Variants in CAMTA1 observed in about 807,000 individuals in gnomAD.
CAMTA1 encodes the protein calmodulin binding transcription activator 1, also known as calmodulin-binding transcription activator 1.
In CAMTA1, 27 loss-of-function variants were observed where a neutral mutation model predicts 170.9. That is an observed-to-expected ratio of 0.16 (90% CI 0.12 to 0.22). The LOEUF (loss-of-function observed/expected upper bound fraction) is 0.22, where lower values mean the gene tolerates loss of function less well. Among genes scored for constraint, CAMTA1 ranks in the 10% least tolerant of loss-of-function variants. The pLI is 1.00. For missense variants in CAMTA1, 1,619 were observed against 2,217.2 expected (o/e 0.73, Z 5.42); for synonymous variants, 833 against 891.5 (o/e 0.93, Z 1.17).
chr1:7,271,001 G>A (rs778156075), intron 5 of CAMTA1, among the ~76,000 whole-genome samples: 2 of 152,206 alleles, frequency 1.3e-5, no homozygotes, highest in African/African-American at 2.4e-5. Flanking sequence ...AAAAGAAAAT[G>A]AAACCCAAAA....
At position 7,677,735 on chromosome 1, in the gene CAMTA1, T is replaced by C; in HGVS notation, c.2914+2T>C. The C allele has an allele frequency of 6.2e-7, 1 of 1,613,420 alleles. No individual in the cohort carries two copies. The highest frequency in any genetic ancestry group is 8.5e-7 in the Non-Finnish European group (1 of 1,179,754). On this transcript the variant is annotated splice_donor_variant, in intron 11 of 22. Coordinates refer to ENST00000303635, the MANE Select transcript of CAMTA1 (RefSeq NM_015215.4). LOFTEE classifies it high-confidence loss of function. Reference sequence around the variant, plus strand: ...AGCACGACTGGCTGTCGTTGGACGGTAAGAACAGTGCTTGGGTCGTCTTGC... The same window carrying C: ...AGCACGACTGGCTGTCGTTGGACGGCAAGAACAGTGCTTGGGTCGTCTTGC...
At chr1:6,994,478 C>T (rs1205085989) in intron 3 of CAMTA1, among the ~76,000 whole-genome samples, 1 of 152,164 alleles carries the variant, frequency 6.6e-6, no homozygotes, top group East Asian at 1.9e-4. Flanking sequence ...TCTCTCAGCA[C>T]ATTAAAGGTG....
intron 6 of CAMTA1, among the ~76,000 whole-genome samples, chr1:7,622,903 C>T (rs750074426): frequency 6.6e-5 from 10 of 152,232 alleles, no homozygotes; most frequent in Non-Finnish European, 1.2e-4. Flanking sequence ...TCTTGTTTCA[C>T]GGCTGTTTTC....
chr1:7,118,990 G>A (rs1173372906), intron 4 of CAMTA1, among the ~76,000 whole-genome samples: 8 of 152,210 alleles, frequency 5.3e-5, no homozygotes, highest in Admixed American at 5.2e-4. Context: ...CTTTGTGTGG[G>A]ATGAGAAATA....
intron 3 of CAMTA1, among the ~76,000 whole-genome samples, chr1:6,950,820 T>C (rs1008873296): frequency 6.7e-6 from 1 of 149,550 alleles, no homozygotes; most frequent in South Asian, 2.1e-4. Flanking sequence ...CAACTACCAC[T>C]GGGGAGAAGT....
chr1:7,577,277 C>T (rs1285461232), intron 6 of CAMTA1, among the ~76,000 whole-genome samples: 3 of 152,070 alleles, frequency 2.0e-5, no homozygotes, highest in South Asian at 2.1e-4. Context: ...GTGTGTAGAA[C>T]GAGGTGTGCC....
rs544689327 is a variant in CAMTA1, at chr1:7,298,489, A to G, written c.438+48863A>G. On this transcript the variant is annotated intron_variant, in intron 5 of 22. Transcript: ENST00000303635. ...GACCCTTAATACTGCCTGACCTGCC[A>G]CATGCAGCCCTCTCTTCTGGGACTG... is the stretch of plus-strand genomic sequence containing the variant. Among the ~76,000 whole-genome samples, 56 of 152,236 alleles carry G rather than the reference A, an allele frequency of 3.7e-4. 1 individual carries two copies. In the South Asian group the frequency reaches 0.011, roughly 30 times the overall value.
At chr1:7,690,471 C>A (rs1468644017) in intron 11 of CAMTA1, among the ~76,000 whole-genome samples, 1 of 152,236 alleles carries the variant, frequency 6.6e-6, no homozygotes, top group Non-Finnish European at 1.5e-5. Context: ...CTACCCCAGC[C>A]CCACACCCCA....
intron 3 of CAMTA1, among the ~76,000 whole-genome samples, chr1:6,995,112 G>GT (rs1696987600): frequency 6.6e-6 from 1 of 150,470 alleles, no homozygotes; most frequent in Non-Finnish European, 1.5e-5. Flanking sequence ...TCATGTTTTT[G>GT]TTTTTTTAAA....
chr1:7,707,842 C>A (rs555295487), intron 11 of CAMTA1, among the ~76,000 whole-genome samples: 45 of 152,154 alleles, frequency 3.0e-4, no homozygotes, highest in African/African-American at 1.1e-3. Context: ...AGAGTCTTCT[C>A]CTCTTCTTGA....
At chr1:7,386,705 C>T (rs1251639509) in intron 5 of CAMTA1, among the ~76,000 whole-genome samples, 1 of 152,220 alleles carries the variant, frequency 6.6e-6, no homozygotes, top group East Asian at 1.9e-4. Flanking sequence ...CCAGCCTCCA[C>T]CTCCTCCTTG....
At chr1:7,669,991 C>T (rs1490298737) in intron 9 of CAMTA1, among the ~76,000 whole-genome samples, 5 of 152,250 alleles carry the variant, frequency 3.3e-5, no homozygotes, top group Non-Finnish European at 7.3e-5. Flanking sequence ...CTGCAGCAGC[C>T]CCAGGCTGGT....
chr1:7,051,399 G>C (rs1446015130), intron 3 of CAMTA1, among the ~76,000 whole-genome samples: 2 of 152,190 alleles, frequency 1.3e-5, no homozygotes, highest in Non-Finnish European at 2.9e-5. Flanking sequence ...TTCCCAGGCA[G>C]ACACTTCCAG....
chr1:7,214,193 T>C (rs980554560), intron 4 of CAMTA1, among the ~76,000 whole-genome samples: 1 of 152,266 alleles, frequency 6.6e-6, no homozygotes, highest in South Asian at 2.1e-4. Context: ...CACTGACTTC[T>C]ACAATGGTTG....
At chr1:6,871,472 T>C (rs1021425711) in intron 3 of CAMTA1, among the ~76,000 whole-genome samples, 2 of 152,322 alleles carry the variant, frequency 1.3e-5, no homozygotes, top group Admixed American at 1.3e-4. Context: ...TGGCAACTTA[T>C]CAAACACTGT....
intron 6 of CAMTA1, among the ~76,000 whole-genome samples, chr1:7,537,905 G>T (rs2094567207): frequency 6.6e-6 from 1 of 152,202 alleles, no homozygotes; most frequent in Admixed American, 6.5e-5. Context: ...GGGAAAACCT[G>T]TTCCTCTCAA....
intron 4 of CAMTA1, among the ~76,000 whole-genome samples, chr1:7,208,650 T>C (rs955646601): frequency 6.6e-6 from 1 of 152,168 alleles, no homozygotes; most frequent in Non-Finnish European, 1.5e-5. Flanking sequence ...CCAGTGTTCA[T>C]TGAGGGCTGC....
intron 3 of CAMTA1, among the ~76,000 whole-genome samples, chr1:6,988,529 A>T (rs1369377561): frequency 6.6e-6 from 1 of 152,206 alleles, no homozygotes; most frequent in Non-Finnish European, 1.5e-5. Flanking sequence ...CCCTGAATGG[A>T]TTCTAAACTT....
At chr1:6,841,546 G>T (rs1034434898) in intron 3 of CAMTA1, among the ~76,000 whole-genome samples, 26 of 152,144 alleles carry the variant, frequency 1.7e-4, no homozygotes, top group African/African-American at 6.0e-4. Flanking sequence ...TGAGGACGTG[G>T]AGGCTACACA....
Sources: gnomAD v4.1 joint callset for allele counts (sites outside exome capture counted in the v4.1 genomes callset) on GRCh38, gnomAD v4.1.1 for gene constraint, MANE v1.5 for transcripts, NCBI Gene and HGNC (gene_info 2026-07-23, HGNC 2026-07-21) for gene names.